The following SORCS3 variants were observed in gnomAD, a reference collection of about 807,000 sequenced individuals.
The protein encoded by SORCS3 is VPS10 domain-containing receptor SorCS3.
Under a neutral mutation model 146.3 loss-of-function variants are expected in SORCS3, and 57 were observed. The observed-to-expected ratio is 0.39, with a 90% CI of 0.31 to 0.49. SORCS3 has a LOEUF of 0.49. Ranked by LOEUF, SORCS3 falls within the 20% of genes least tolerant of loss-of-function variation. The pLI, the probability that SORCS3 is intolerant of heterozygous loss-of-function variation, is 0.92. For missense variants in SORCS3, 1,341 were observed against 1,575.5 expected (o/e 0.85, Z 2.52); for synonymous variants, 653 against 618.5 (o/e 1.06, Z -0.83).
In SORCS3 at chr10:105,089,561, G is replaced by A. The variant is rs17118304; in HGVS notation, c.1029-214G>A. On this transcript the variant is annotated intron_variant, in intron 5 of 26. Transcript: ENST00000369701. Reference sequence around the variant, plus strand: ...GAATCGTTGACTTATTGACCATTCAGTACTCATGTCTCATGACCCTTACAG... The same window carrying A: ...GAATCGTTGACTTATTGACCATTCAATACTCATGTCTCATGACCCTTACAG... 7.1e-3 allele frequency among the ~76,000 whole-genome samples: 1,080 copies of A among 152,340 alleles called. 19 individuals carry two copies. Among genetic ancestry groups the A allele is most frequent in the African/African-American group, 0.025 (1,024 of 41,564 alleles).
At chr10:105,238,203 T>C (rs1181731681) in intron 20 of SORCS3, among the ~76,000 whole-genome samples, 1 of 152,200 alleles carries the variant, frequency 6.6e-6, no homozygotes, top group Non-Finnish European at 1.5e-5. Flanking sequence ...ATCAGTACTT[T>C]TGTGGATCTT....
At chr10:104,700,705 T>C (rs1027336563) in intron 1 of SORCS3, among the ~76,000 whole-genome samples, 18 of 152,120 alleles carry the variant, frequency 1.2e-4, no homozygotes, top group African/African-American at 4.3e-4. Context: ...CAACTGATGC[T>C]GACTGTCACG....
At chr10:105,255,372 A>C (rs946925353) in intron 23 of SORCS3, among the ~76,000 whole-genome samples, 1 of 152,114 alleles carries the variant, frequency 6.6e-6, no homozygotes, top group Non-Finnish European at 1.5e-5. Context: ...ACCTAATGTT[A>C]AATGACGAGT....
intron 5 of SORCS3, among the ~76,000 whole-genome samples, chr10:105,081,137 C>A (rs1564749271): frequency 6.6e-6 from 1 of 152,020 alleles, no homozygotes; most frequent in Admixed American, 6.6e-5. Flanking sequence ...ATAAAATTAT[C>A]ATTTTTAAAT....
At chr10:104,926,099 C>T (rs533974254) in intron 3 of SORCS3, among the ~76,000 whole-genome samples, 2 of 152,196 alleles carry the variant, frequency 1.3e-5, no homozygotes, top group Non-Finnish European at 2.9e-5. Context: ...GGCCTCCCCT[C>T]CTGAGCTGTG....
At chr10:105,041,410 A>AATATATAT (rs368758574) in intron 4 of SORCS3, among the ~76,000 whole-genome samples, 1 of 144,344 alleles carries the variant, frequency 6.9e-6, no homozygotes, top group African/African-American at 2.5e-5. Flanking sequence ...GATTAAAAAA[A>AATATATAT]ATATATATAT....
chr10:104,719,534 A>G (rs1015545837), intron 1 of SORCS3, among the ~76,000 whole-genome samples: 8 of 152,054 alleles, frequency 5.3e-5, no homozygotes, highest in Non-Finnish European at 8.8e-5. Flanking sequence ...GAAAGACATT[A>G]CTCCATATCT....
rs186287074 is a variant in SORCS3, at chr10:104,977,795, G to A, written c.954+302G>A. ...TCACCAGGCTGGAGTGCAGTGGCGC[G>A]ATCTTGGCTCACTGTAACCTCTGCC... On this transcript the variant is annotated intron_variant, in intron 4 of 26. Coordinates refer to ENST00000369701, the MANE Select transcript of SORCS3 (RefSeq NM_014978.3). Among the ~76,000 whole-genome samples the A allele has an allele frequency of 3.1e-3, 445 of 144,456 alleles. 2 individuals are homozygous for A. The highest frequency in any genetic ancestry group is 0.018 in the South Asian group (79 of 4,472). The allele number at this position is 144,456 out of a possible 152,430, so 94.8% of individuals were successfully genotyped here. A position where few individuals can be genotyped will look rare whatever the true frequency, so the allele number is the denominator to read the frequency against.
At chr10:104,941,537 C>G (rs1176902514) in intron 3 of SORCS3, among the ~76,000 whole-genome samples, 2 of 152,116 alleles carry the variant, frequency 1.3e-5, no homozygotes, top group Non-Finnish European at 2.9e-5. Context: ...TTAGGGTTCT[C>G]AAGGCCACCA....
At chr10:105,017,077 C>T (rs1017993246) in intron 4 of SORCS3, among the ~76,000 whole-genome samples, 2 of 152,132 alleles carry the variant, frequency 1.3e-5, no homozygotes, top group Non-Finnish European at 2.9e-5. Context: ...TACTTATTCT[C>T]CCATGCTAGT....
chr10:105,052,332 C>T (rs2055418991), intron 5 of SORCS3, among the ~76,000 whole-genome samples: 1 of 152,194 alleles, frequency 6.6e-6, no homozygotes, highest in Admixed American at 6.5e-5. Context: ...GTTGTTTTCT[C>T]TTTCTCTGGC....
intron 5 of SORCS3, among the ~76,000 whole-genome samples, chr10:105,070,584 C>G (rs2055550226): frequency 6.6e-6 from 1 of 152,156 alleles, no homozygotes; most frequent in Non-Finnish European, 1.5e-5. Context: ...TGTCCCAGCC[C>G]TTTTAAGAAC....
intron 1 of SORCS3, among the ~76,000 whole-genome samples, chr10:104,707,619 T>G (rs2016351004): frequency 6.6e-6 from 1 of 152,166 alleles, no homozygotes; most frequent in South Asian, 2.1e-4. Context: ...CTGAATCACA[T>G]TCAAGGAAAA....
rs867982860 is a variant in SORCS3, at chr10:105,263,994, G to T, written c.*620G>T. ...GAAAACAGAAAAAAGAAAGATGCGT[G>T]TGTTGGCTTACGCACTGGCCCTCAG... On this transcript the variant is annotated 3_prime_UTR_variant, in exon 27 of 27. Coordinates refer to ENST00000369701, the MANE Select transcript of SORCS3 (RefSeq NM_014978.3). 6 of 152,688 alleles carry T rather than the reference G, an allele frequency of 3.9e-5. No individual in the cohort carries two copies. Among genetic ancestry groups the T allele is most frequent in the Non-Finnish European group, 8.8e-5 (6 of 68,292 alleles). 9.5% of individuals were successfully genotyped at this position (152,688 alleles called of 1,614,324 possible).
At chr10:105,197,987 G>C (rs1032753841) in intron 14 of SORCS3, among the ~76,000 whole-genome samples, 1 of 152,082 alleles carries the variant, frequency 6.6e-6, no homozygotes. Flanking sequence ...CCTCCCTCTT[G>C]GTTGATTTTA....
At chr10:104,771,946 T>C (rs1292678766) in intron 1 of SORCS3, among the ~76,000 whole-genome samples, 1 of 152,152 alleles carries the variant, frequency 6.6e-6, no homozygotes, top group African/African-American at 2.4e-5. Flanking sequence ...CTTTTTCCAA[T>C]TGGCCTCCTT....
At chr10:104,975,396 C>G (rs2054889216) in intron 3 of SORCS3, among the ~76,000 whole-genome samples, 2 of 151,850 alleles carry the variant, frequency 1.3e-5, no homozygotes, top group Admixed American at 6.6e-5. Flanking sequence ...AACCACTGCT[C>G]AATGAAATAA....
chr10:104,950,185 A>C (rs963141248), intron 3 of SORCS3, among the ~76,000 whole-genome samples: 12 of 152,182 alleles, frequency 7.9e-5, no homozygotes, highest in African/African-American at 2.9e-4. Context: ...ACTTCACTCA[A>C]GATCCTTTTC....
intron 7 of SORCS3, among the ~76,000 whole-genome samples, chr10:105,125,872 A>G (rs1164143627): frequency 1.3e-5 from 2 of 152,144 alleles, no homozygotes; most frequent in Non-Finnish European, 1.5e-5. Flanking sequence ...GTGTGGCTGT[A>G]TGTTTCAAGG....
Sources: allele counts gnomAD v4.1 joint callset (sites outside exome capture counted in the v4.1 genomes callset), GRCh38; gene constraint gnomAD v4.1.1; transcripts MANE v1.5; gene names NCBI Gene and HGNC (gene_info 2026-07-23, HGNC 2026-07-21).